EPS8: variants seen among roughly 807,000 people sequenced by gnomAD.
The protein encoded by EPS8 is EGFR pathway substrate 8, signaling adaptor.
In EPS8, 42 loss-of-function variants were observed where a neutral mutation model predicts 103.8. The ratio of observed to expected loss-of-function variants is 0.40; its 90% CI spans 0.32 to 0.52. The LOEUF (loss-of-function observed/expected upper bound fraction) is 0.52. EPS8 is among the 20% of genes least tolerant of loss of function. The pLI is 0.40. For missense variants in EPS8, 969 were observed against 1,005.1 expected (o/e 0.96, Z 0.49); for synonymous variants, 344 against 344.6 (o/e 1.00, Z 0.02).
intron 14 of EPS8, 44 bp downstream of exon 14, chr12:15,650,779 A>ATAAT (rs2135785529): frequency 6.9e-7 from 1 of 1,452,684 alleles, no homozygotes; most frequent in African/African-American, 1.4e-5. Flanking sequence ...GAATACACAG[A>ATAAT]TAATTACACT....
In EPS8 at chr12:15,695,825, A is replaced by C. The variant is rs1165859642; in HGVS notation, c.-21-12853T>G. On this transcript the variant is annotated intron_variant, in intron 1 of 20. Coordinates refer to ENST00000281172, the MANE Select transcript of EPS8 (RefSeq NM_004447.6). This position sits in a 1 kb window ranked among gnomAD's most constrained non-coding sequence, Gnocchi z 5.0. ...CCCCATCTCTACCAAAAATATAAAA[A>C]TCAGCCAGACATGGTGGCAGGCACC... Among the ~76,000 whole-genome samples the C allele has an allele frequency of 6.6e-6, 1 of 152,224 alleles. No homozygotes were observed. Among genetic ancestry groups the C allele is most frequent in the Non-Finnish European group, 1.5e-5 (1 of 68,050 alleles).
At chr12:15,677,804 T>C (rs1025751474) in intron 3 of EPS8, among the ~76,000 whole-genome samples, 1 of 152,152 alleles carries the variant, frequency 6.6e-6, no homozygotes, top group African/African-American at 2.4e-5. Flanking sequence ...ACACACATAG[T>C]GCCCTCCCTC....
chr12:15,783,715 T>TA (rs34686335), intron 1 of EPS8, among the ~76,000 whole-genome samples: 4,840 of 95,258 alleles, frequency 0.051, 127 homozygotes, highest in Non-Finnish European at 0.063. Context: ...TCTGAGTTAG[T>TA]AAAAAAAAAA....
At position 15,738,709 on chromosome 12, in the gene EPS8, G is replaced by A. The variant is rs1416742778; in HGVS notation, c.-22+50452C>T. Among the ~76,000 whole-genome samples, 1 of 151,772 alleles carries A rather than the reference G, an allele frequency of 6.6e-6. No individual in the cohort carries two copies. Among genetic ancestry groups the A allele is most frequent in the African/African-American group, 2.4e-5 (1 of 41,342 alleles). On this transcript the variant is annotated intron_variant, in intron 1 of 20. Transcript: ENST00000281172. The surrounding 1 kb of genome is among the most constrained non-coding windows in gnomAD (Gnocchi z 6.2). ...TGTTTGCATATTTGTCTCATAGTTG[G>A]AATATAAACTACAAAAGGACACAGG...
Position 15,624,395 on chromosome 12 carries a change from T to A in EPS8, c.2057A>T (p.Gln686Leu). The A allele has an allele frequency of 6.4e-7, 1 of 1,563,374 alleles. No individual in the cohort carries two copies. Among genetic ancestry groups the A allele is most frequent in the Non-Finnish European group, 8.7e-7 (1 of 1,151,852 alleles). Residue 686 changes from glutamine (Q) to leucine (L), a missense_variant, in exon 19 of 21, where the codon CAG (glutamine) becomes CTG (leucine). Gln to Leu is a moderately radical substitution (Grantham distance 113). Coordinates refer to ENST00000281172, the MANE Select transcript of EPS8 (RefSeq NM_004447.6). ...GAGTTCATCTTGCACTTCCTCCATC[T>A]GAGATTTCCTTCCTAGACACCAACA... ...KQLPVDRRKS[Q>L]MEEVQDELIH...
chr12:15,744,343 CT>C (rs905590003), intron 1 of EPS8, among the ~76,000 whole-genome samples: 2 of 152,216 alleles, frequency 1.3e-5, no homozygotes, highest in Non-Finnish European at 2.9e-5. Context: ...TCCTCTGCCC[CT>C]TCCTTATTTA....
chr12:15,720,509 C>A (rs943282440), intron 1 of EPS8, among the ~76,000 whole-genome samples: 1 of 152,122 alleles, frequency 6.6e-6, no homozygotes, highest in Non-Finnish European at 1.5e-5. Context: ...CTGATGTAAG[C>A]AAAGCATACT....
intron 7 of EPS8, 119 bp downstream of exon 7, chr12:15,666,321 G>T (rs1945708790): frequency 2.8e-6 from 2 of 707,534 alleles, no homozygotes; most frequent in African/African-American, 1.8e-5. Context: ...GAGACTACAG[G>T]TTATGATCTA....
chr12:15,663,951 A>AAT lies in EPS8; in HGVS notation c.736+1804_736+1805insAT, dbSNP rs67569507. Among the ~76,000 whole-genome samples the AAT allele has an allele frequency of 3.5e-3, 140 of 39,656 alleles. 2 individuals carry two copies. Among genetic ancestry groups the AAT allele is most frequent in the African/African-American group, 0.011 (136 of 11,958 alleles). The allele number at this position is 39,656 out of a possible 152,430, so 26.0% of individuals were successfully genotyped here. A position where few individuals can be genotyped will look rare whatever the true frequency, so the allele number is the denominator to read the frequency against. On this transcript the variant is annotated intron_variant, in intron 8 of 20. Coordinates refer to ENST00000281172, the MANE Select transcript of EPS8 (RefSeq NM_004447.6). ...AAAAAAAAAAAAAAAAAAAAATAAT[A>AAT]TATATATATATATATATATATATAT...
rs75585758 is a variant in EPS8, at chr12:15,670,128, T to C, written c.205-303A>G. On this transcript the variant is annotated intron_variant, in intron 4 of 20. Coordinates refer to ENST00000281172, the MANE Select transcript of EPS8 (RefSeq NM_004447.6). The stretch of plus-strand genomic sequence containing the variant: ...TCTTAACAGCTTAAATAATATTCTC[T>C]TAAAATAAACTTTCCCCTATTTGAC... 9.2e-5 allele frequency among the ~76,000 whole-genome samples: 14 copies of C among 152,294 alleles called. No individual in the cohort carries two copies. In the East Asian group the frequency reaches 2.7e-3, roughly 29 times the overall value.
In EPS8 at chr12:15,631,622, G is replaced by A; in HGVS notation, c.1864C>T (p.Pro622Ser). ...EYGPRPADTPPAPSPPPTPAP... is the reference protein window; with the variant it reads ...EYGPRPADTPSAPSPPPTPAP... Reference sequence around the variant, plus strand: ...GGTGTTGGAGGAGGTGATGGAGCAGGGGGAGTATCAGCTGGTCTTGGGCCA... The same window carrying A: ...GGTGTTGGAGGAGGTGATGGAGCAGAGGGAGTATCAGCTGGTCTTGGGCCA... Residue 622 changes from proline (P) to serine (S), a missense_variant, in exon 18 of 21, where the codon CCT becomes TCT. Physicochemically the swap from Pro to Ser is moderately conservative, Grantham distance 74 (BLOSUM62 -1). Transcript: ENST00000281172. The A allele has an allele frequency of 6.2e-7, 1 of 1,613,862 alleles. No homozygotes were observed.
rs1238509547 is a variant in EPS8 at position 15,716,906 on chromosome 12, A to G, written c.-21-33934T>C. ...CATCGGTCCTTCATTCCTTCTTCTT[A>G]TAAGATCCACTATCTGCTTTGTCTT... On this transcript the variant is annotated intron_variant, in intron 1 of 20. Coordinates refer to ENST00000281172, the MANE Select transcript of EPS8 (RefSeq NM_004447.6). The surrounding 1 kb of genome is among the most constrained non-coding windows in gnomAD (Gnocchi z 5.0). Among the ~76,000 whole-genome samples, 1 of 152,202 alleles carries G rather than the reference A, an allele frequency of 6.6e-6. No individual in the cohort carries two copies. Among genetic ancestry groups the G allele is most frequent in the African/African-American group, 2.4e-5 (1 of 41,456 alleles).
intron 13 of EPS8, among the ~76,000 whole-genome samples, chr12:15,653,833 T>C (rs553300420): frequency 6.6e-6 from 1 of 152,308 alleles, no homozygotes; most frequent in East Asian, 1.9e-4. Context: ...GTGTGAACCC[T>C]ATGTGTACCT....
At chr12:15,622,444 T>C (rs2135706623) in intron 20 of EPS8, among the ~76,000 whole-genome samples, 1 of 152,318 alleles carries the variant, frequency 6.6e-6, no homozygotes, top group South Asian at 2.1e-4. Flanking sequence ...GAGATGATTA[T>C]GGATCAATTT....
chr12:15,764,731 A>G lies in EPS8; in HGVS notation c.-22+24430T>C, dbSNP rs1217461168. ...AGGTGCTAGATCTTAGGGAAAGGGA[A>G]AGGTTCAGCTAAGACAATTTAAATA... On this transcript the variant is annotated intron_variant, in intron 1 of 20. Coordinates refer to ENST00000281172, the MANE Select transcript of EPS8 (RefSeq NM_004447.6). This position sits in a 1 kb window ranked among gnomAD's most constrained non-coding sequence, Gnocchi z 4.1. Among the ~76,000 whole-genome samples the G allele has an allele frequency of 1.3e-5, 2 of 152,196 alleles. No homozygotes were observed. Among genetic ancestry groups the G allele is most frequent in the Admixed American group, 1.3e-4 (2 of 15,280 alleles).
At chr12:15,768,029 AAAGACTTACAG>A (rs756002147) in intron 1 of EPS8, among the ~76,000 whole-genome samples, 3 of 152,264 alleles carry the variant, frequency 2.0e-5, no homozygotes, top group Non-Finnish European at 2.9e-5. Context: ...AGTAAAAACC[AAAGACTTACAG>A]AATATTAGAG....
intron 14 of EPS8, among the ~76,000 whole-genome samples, chr12:15,649,499 G>A (rs1945376024): frequency 6.6e-6 from 1 of 152,032 alleles, no homozygotes; most frequent in Non-Finnish European, 1.5e-5. Context: ...GATGAGGCCT[G>A]AACTATGAAA....
chr12:15,651,207 AAAATG>A (rs1945408551), intron 13 of EPS8, among the ~76,000 whole-genome samples: 1 of 152,242 alleles, frequency 6.6e-6, no homozygotes, highest in African/African-American at 2.4e-5. Flanking sequence ...ACACCTTAAT[AAAATG>A]AAAGAAAGAT....
rs199561085 is a variant in EPS8 at position 15,624,338 on chromosome 12, G to A, written c.2114C>T (p.Ala705Val). 141 of 1,610,900 alleles carry A rather than the reference G, an allele frequency of 8.8e-5. 1 individual carries two copies. In the East Asian group the frequency reaches 3.1e-3, roughly 36 times the overall value. ...CCGTGGCACATGGAATTTCTTCTGA[G>A]CGGCACTCCGACCAATGGTCAGTCT... The part of the protein sequence containing the change: ...IHRLTIGRSA[A>V]QKKFHVPRQN... The change falls in exon 19 of 21, where the codon GCT (alanine) becomes GTT (valine). Residue 705 changes from alanine (A) to valine (V), a missense_variant. Coordinates refer to ENST00000281172, the MANE Select transcript of EPS8 (RefSeq NM_004447.6).
Sources: gnomAD v4.1 joint callset for allele counts (sites outside exome capture counted in the v4.1 genomes callset) on GRCh38, gnomAD v4.1.1 for gene constraint, Gnocchi (gnomAD v3.1) non-coding constraint, MANE v1.5 for transcripts, NCBI Gene and HGNC (gene_info 2026-07-23, HGNC 2026-07-21) for gene names.